MB21D2: variants seen among roughly 807,000 people sequenced by gnomAD.
MB21D2 encodes the protein nucleotidyltransferase MB21D2.
In MB21D2, 9 loss-of-function variants were observed where a neutral mutation model predicts 33.3. That is an observed-to-expected ratio of 0.27 (90% CI 0.16 to 0.47). The LOEUF is 0.47. MB21D2 is among the 20% of genes least tolerant of loss of function. The pLI is 0.99. For synonymous variants in MB21D2, 241 were observed against 236.3 expected (o/e 1.02, Z -0.18); for missense variants, 540 against 624.6 (o/e 0.86, Z 1.44).
intron 1 of MB21D2, among the ~76,000 whole-genome samples, chr3:192,898,619 T>C (rs1383635749): frequency 1.3e-5 from 2 of 152,122 alleles, no homozygotes; most frequent in Admixed American, 6.5e-5. Context: ...TAGCCAACGA[T>C]ACCAGCAATA....
intron 1 of MB21D2, among the ~76,000 whole-genome samples, chr3:192,818,530 C>T (rs757403525): frequency 1.3e-5 from 2 of 152,140 alleles, no homozygotes; most frequent in Non-Finnish European, 2.9e-5. Flanking sequence ...AAGTATGTGG[C>T]TTTTCTTTTT....
intron 1 of MB21D2, among the ~76,000 whole-genome samples, chr3:192,815,136 T>A (rs1031200012): frequency 4.6e-5 from 7 of 152,186 alleles, no homozygotes; most frequent in African/African-American, 1.7e-4. Flanking sequence ...TAAGTCTTGG[T>A]CTCCAGAGAA....
chr3:192,816,822 C>T (rs1406471781), intron 1 of MB21D2, among the ~76,000 whole-genome samples: 1 of 152,008 alleles, frequency 6.6e-6, no homozygotes, highest in Non-Finnish European at 1.5e-5. Flanking sequence ...GATTTATTAG[C>T]TGTGTGGCAT....
At chr3:192,831,830 C>T (rs1011625257) in intron 1 of MB21D2, among the ~76,000 whole-genome samples, 3 of 152,164 alleles carry the variant, frequency 2.0e-5, no homozygotes, top group Non-Finnish European at 4.4e-5. Flanking sequence ...GATGAAAAGA[C>T]TGGAAGGATG....
intron 1 of MB21D2, among the ~76,000 whole-genome samples, chr3:192,833,501 A>G (rs1712365814): frequency 6.6e-6 from 1 of 152,248 alleles, no homozygotes; most frequent in South Asian, 2.1e-4. Context: ...ACAGAAATTC[A>G]TCCTTGACCT....
chr3:192,895,713 T>TGA (rs1713955796), intron 1 of MB21D2, among the ~76,000 whole-genome samples: 2 of 133,930 alleles, frequency 1.5e-5, no homozygotes, highest in African/African-American at 5.8e-5. Flanking sequence ...CCTACTCAAG[T>TGA]TGTTGGGTTT....
In MB21D2 at chr3:192,797,104, G is replaced by A. The variant is rs7507; in HGVS notation, c.*1282C>T. Reference sequence around the variant, plus strand: ...CTTGCCATGAGTCCACACCAAAACAGGGAGCCAATACCTTCCAGCACCTAA... The same window carrying A: ...CTTGCCATGAGTCCACACCAAAACAAGGAGCCAATACCTTCCAGCACCTAA... On this transcript the variant is annotated 3_prime_UTR_variant, in exon 2 of 2. Transcript: ENST00000392452. 71,781 of 152,354 alleles carry A rather than the reference G, an allele frequency of 0.47. 17,264 individuals are homozygous for A. Among genetic ancestry groups the A allele is most frequent in the East Asian group, 0.58 (2,971 of 5,150 alleles). The allele number at this position is 152,354 out of a possible 1,614,324, so 9.4% of individuals were successfully genotyped here.
chr3:192,852,181 C>T (rs886902712), intron 1 of MB21D2, among the ~76,000 whole-genome samples: 3 of 152,212 alleles, frequency 2.0e-5, no homozygotes, highest in African/African-American at 7.2e-5. Flanking sequence ...ATGCCTCCTT[C>T]ATCCTTTCAC....
intron 1 of MB21D2, among the ~76,000 whole-genome samples, chr3:192,804,648 T>G (rs1711625492): frequency 6.6e-6 from 1 of 152,186 alleles, no homozygotes; most frequent in Non-Finnish European, 1.5e-5. Flanking sequence ...ATGTAGCACA[T>G]ACCAGTAACA....
At chr3:192,859,842 G>A (rs1354293917) in intron 1 of MB21D2, among the ~76,000 whole-genome samples, 3 of 151,880 alleles carry the variant, frequency 2.0e-5, no homozygotes, top group Non-Finnish European at 2.9e-5. Context: ...ATATGGAAAA[G>A]TATTTAGACT....
At chr3:192,873,528 G>A (rs565529654) in intron 1 of MB21D2, among the ~76,000 whole-genome samples, 274 of 152,144 alleles carry the variant, frequency 1.8e-3, no homozygotes, top group African/African-American at 2.7e-3. Context: ...TGAGTTCACC[G>A]CAACCTTCCC....
chr3:192,809,097 C>T (rs1023169386), intron 1 of MB21D2, among the ~76,000 whole-genome samples: 32 of 152,186 alleles, frequency 2.1e-4, no homozygotes, highest in African/African-American at 7.2e-4. Flanking sequence ...CAATAGTGTC[C>T]CCCTTCCCTT....
At chr3:192,890,115 T>A (rs889333923) in intron 1 of MB21D2, among the ~76,000 whole-genome samples, 2 of 152,090 alleles carry the variant, frequency 1.3e-5, no homozygotes, top group Admixed American at 6.5e-5. Context: ...TTTCTTGACA[T>A]CCTTCTGGTG....
chr3:192,833,725 A>G (rs749230128), intron 1 of MB21D2, among the ~76,000 whole-genome samples: 52 of 152,342 alleles, frequency 3.4e-4, no homozygotes, highest in Admixed American at 1.6e-3. Flanking sequence ...TCAAAAGGAC[A>G]TGACTAAGTT....
At chr3:192,832,363 T>C (rs1006092431) in intron 1 of MB21D2, among the ~76,000 whole-genome samples, 1 of 152,196 alleles carries the variant, frequency 6.6e-6, no homozygotes, top group Non-Finnish European at 1.5e-5. Flanking sequence ...AAGTGAAAGA[T>C]TTTACTGAAG....
At chr3:192,809,592 ACAGT>A (rs1711743825) in intron 1 of MB21D2, among the ~76,000 whole-genome samples, 1 of 152,212 alleles carries the variant, frequency 6.6e-6, no homozygotes, top group Admixed American at 6.5e-5. Flanking sequence ...TGTATAGGAA[ACAGT>A]AAGTAGAAAT....
At chr3:192,814,663 C>T (rs971907256) in intron 1 of MB21D2, among the ~76,000 whole-genome samples, 5 of 152,048 alleles carry the variant, frequency 3.3e-5, no homozygotes, top group Middle Eastern at 3.4e-3. Flanking sequence ...GAGATCGAGA[C>T]CATCCTGGCT....
At chr3:192,827,972 G>A (rs1242411944) in intron 1 of MB21D2, among the ~76,000 whole-genome samples, 1 of 152,056 alleles carries the variant, frequency 6.6e-6, no homozygotes, top group Non-Finnish European at 1.5e-5. Flanking sequence ...TCTCGTGGTA[G>A]TGAATAAGTC....
At chr3:192,802,190 C>T (rs894809831) in intron 1 of MB21D2, among the ~76,000 whole-genome samples, 10 of 152,152 alleles carry the variant, frequency 6.6e-5, no homozygotes, top group African/African-American at 1.7e-4. Context: ...AATAACTGAT[C>T]GGTGTGGGAG....
Sources: allele counts gnomAD v4.1 joint callset (sites outside exome capture counted in the v4.1 genomes callset), GRCh38; gene constraint gnomAD v4.1.1; transcripts MANE v1.5; gene names NCBI Gene and HGNC (gene_info 2026-07-23, HGNC 2026-07-21).